DSP: variants seen among roughly 807,000 people sequenced by gnomAD.
DSP encodes the protein desmoplakin, also known as 250/210 kDa paraneoplastic pemphigus antigen.
In DSP, 114 loss-of-function variants were observed where a neutral mutation model predicts 290.6. The observed-to-expected ratio is 0.39, with a 90% CI of 0.34 to 0.46. The LOEUF (loss-of-function observed/expected upper bound fraction) is 0.46, where lower values mean the gene tolerates loss of function less well. Among genes scored for constraint, DSP ranks in the 20% least tolerant of loss-of-function variants. DSP has a pLI of 0.99. For missense variants in DSP, 3,230 were observed against 3,495.8 expected, an observed-to-expected ratio of 0.92 and a Z score of 1.92; for synonymous variants, 1,311 against 1,316.4, an observed-to-expected ratio of 1.00 and a Z score of 0.09.
At chr6:7,567,284 C>G in intron 8 of DSP, 70 bp from the exon 9 acceptor site, 1 of 1,214,822 alleles carries the variant, frequency 8.2e-7, no homozygotes. Context: ...TGCAGGCTCA[C>G]CTATCTCTTG....
rs780512433 is a variant in DSP at position 7,571,884 on chromosome 6, T to C, written c.1946T>C (p.Val649Ala). The change falls in exon 15 of 24, where the codon GTC becomes GCC. Residue 649 changes from valine (V) to alanine (A), a missense_variant. By Grantham distance (64) the Val-to-Ala change is moderately conservative. Transcript: ENST00000379802. ...ACTCATCATGGAACCTGCCAAGATG[T>C]CAACCATAATAAAGTAATTGAAACC... ...EITHHGTCQD[V>A]NHNKVIETNR... 6.2e-7 allele frequency: 1 copy of C among 1,613,900 alleles called. No homozygotes were observed. The highest frequency in any genetic ancestry group is 2.2e-5 in the East Asian group (1 of 44,882).
chr6:7,582,951 A>G lies in DSP; in HGVS notation c.5689A>G (p.Ser1897Gly), dbSNP rs1420813331. The G allele has an allele frequency of 6.2e-7, 1 of 1,614,122 alleles. No homozygotes were observed. The highest frequency in any genetic ancestry group is 8.5e-7 in the Non-Finnish European group (1 of 1,180,016). Residue 1897 changes from serine to glycine, a missense_variant, in exon 24 of 24, where the codon AGT becomes GGT. Physicochemically the swap from Ser to Gly is moderately conservative, Grantham distance 56. Around this residue, in one of 5 missense-constraint regions of DSP, gnomAD observed 1,714 missense variants for 1,844.5 expected, o/e 0.93. Transcript: ENST00000379802. The surrounding 1 kb of genome is among the most constrained non-coding windows in gnomAD (Gnocchi z 4.2). ...KSEREKNSLR[S>G]EIERLQAEIK... ...TGAGAGAGAGAAGAACAGTCTTAGGAGTGAGATCGAAAGACTCCAAGCAGA... is the reference window on the plus strand; with the variant it reads ...TGAGAGAGAGAAGAACAGTCTTAGGGGTGAGATCGAAAGACTCCAAGCAGA...
rs1240049346 is a variant in DSP at position 7,571,460 on chromosome 6, T to C, written c.1779T>C (p.Asn593=). ...LELHYQEFIR[N]SQGSEMFGDD... ...TACATTACCAAGAGTTCATCAGAAA[T>C]AGCCAAGGCTCAGAGATGTTTGGAG... The change falls in exon 14 of 24, where the codon AAT becomes AAC. Residue 593 remains asparagine, a synonymous_variant. Coordinates refer to ENST00000379802, the MANE Select transcript of DSP (RefSeq NM_004415.4). 6.2e-7 allele frequency: 1 copy of C among 1,614,042 alleles called. No individual in the cohort carries two copies. The highest frequency in any genetic ancestry group is 8.5e-7 in the Non-Finnish European group (1 of 1,180,046).
rs1425265923 is a variant in DSP, at chr6:7,583,908, C to A, written c.6646C>A (p.Pro2216Thr). 3 of 1,614,004 alleles carry A rather than the reference C, an allele frequency of 1.9e-6. No homozygotes were observed. The highest frequency in any genetic ancestry group is 1.1e-5 in the South Asian group (1 of 91,088). Residue 2216 changes from proline to threonine, a missense_variant, in exon 24 of 24, where the codon CCT (proline) becomes ACT (threonine). Transcript: ENST00000379802. This position sits in a 1 kb window ranked among gnomAD's most constrained non-coding sequence, Gnocchi z 4.0. ...CATGTCCTTCCAAGGAATCAGACAA[C>A]CTGTGACCGTCACTGAGCTAGTAGA... ...RSMSFQGIRQPVTVTELVDSG... is the reference protein window; with the variant it reads ...RSMSFQGIRQTVTVTELVDSG...
rs1757975849 is a variant in DSP at position 7,541,699 on chromosome 6, A to C, written c.-217A>C. 6.8e-6 allele frequency: 4 copies of C among 588,772 alleles called. No individual in the cohort carries two copies. The highest frequency in any genetic ancestry group is 1.2e-5 in the Non-Finnish European group (4 of 346,012). The allele number at this position is 588,772 out of a possible 1,614,324, so 36.5% of individuals were successfully genotyped here. ...CTGCGCCCTTGCCGCCCTCCGAGCC[A>C]CAGCTTTCCTCCCGCTCCTGCCCCC... On this transcript the variant is annotated 5_prime_UTR_variant, in exon 1 of 24. Transcript: ENST00000379802.
rs1473719755 is a variant in DSP, at chr6:7,580,028, T to C, written c.3838T>C (p.Cys1280Arg). Reference sequence around the variant, plus strand: ...AGAAAACGCCCTTCAGCAAAAGGCCTGTGGCTCTGAGATAATGCAGAAGAA... The same window carrying C: ...AGAAAACGCCCTTCAGCAAAAGGCCCGTGGCTCTGAGATAATGCAGAAGAA... ...AEENALQQKA[C>R]GSEIMQKKQH... Residue 1280 changes from cysteine (C) to arginine (R), a missense_variant, in exon 23 of 24, where the codon TGT becomes CGT. By Grantham distance (180) the Cys-to-Arg change is radical (BLOSUM62 -3). This residue lies in a region of DSP where 1,714 missense variants were observed against 1,844.5 expected (regional missense o/e 0.93). Coordinates refer to ENST00000379802, the MANE Select transcript of DSP (RefSeq NM_004415.4). The surrounding 1 kb of genome is among the most constrained non-coding windows in gnomAD (Gnocchi z 4.2). 1.9e-6 allele frequency: 3 copies of C among 1,613,788 alleles called. No homozygotes were observed. The highest frequency in any genetic ancestry group is 2.7e-5 in the African/African-American group (2 of 74,822).
In DSP at chr6:7,580,981, G is replaced by A. The variant is rs760645983; in HGVS notation, c.4791G>A (p.Glu1597=). 1.9e-6 allele frequency: 3 copies of A among 1,614,108 alleles called. No homozygotes were observed. Among genetic ancestry groups the A allele is most frequent in the Non-Finnish European group, 1.7e-6 (2 of 1,180,016 alleles). ...GCAAGAGGAAGAAGCTGGAGGAAGAGCTGGAAGGCATGAGGAGGTCGCTGA... is the reference window on the plus strand; with the variant it reads ...GCAAGAGGAAGAAGCTGGAGGAAGAACTGGAAGGCATGAGGAGGTCGCTGA... ...DSCKRKKLEE[E]LEGMRRSLKE... The change falls in exon 23 of 24, where the codon GAG becomes GAA. Residue 1597 remains glutamate, a synonymous_variant. Coordinates refer to ENST00000379802, the MANE Select transcript of DSP (RefSeq NM_004415.4). The surrounding 1 kb of genome is among the most constrained non-coding windows in gnomAD (Gnocchi z 4.2).
At chr6:7,576,143 A>C in intron 18 of DSP, 151 bp from the exon 19 acceptor site, 1 of 867,122 alleles carries the variant, frequency 1.2e-6, no homozygotes. Context: ...CTGTGATAAA[A>C]AGTGCTGCTA....
At chr6:7,571,261 T>A (rs1436499785) in intron 13 of DSP, 122 bp from the exon 14 acceptor site, 1 of 912,776 alleles carries the variant, frequency 1.1e-6, no homozygotes, top group African/African-American at 1.6e-5. Context: ...TATATCTTAA[T>A]GAGCCTGTGA....
At chr6:7,545,741 G>A (rs919572051) in intron 1 of DSP, among the ~76,000 whole-genome samples, 5 of 152,216 alleles carry the variant, frequency 3.3e-5, no homozygotes, top group Admixed American at 1.3e-4. Flanking sequence ...AACATCTGTC[G>A]TGGGGGCACT....
chr6:7,554,575 T>C (rs1414087045), intron 1 of DSP, among the ~76,000 whole-genome samples: 1 of 152,142 alleles, frequency 6.6e-6, no homozygotes, highest in Non-Finnish European at 1.5e-5. Flanking sequence ...GTATTTAAAT[T>C]TTCCATCACT....
Position 7,575,343 on chromosome 6 carries a change from A to G in DSP, c.2485A>G (p.Lys829Glu), listed in dbSNP as rs1212352137. The G allele has an allele frequency of 6.2e-7, 1 of 1,614,058 alleles. No homozygotes were observed. The highest frequency in any genetic ancestry group is 2.2e-5 in the East Asian group (1 of 44,866). Residue 829 changes from lysine (K) to glutamate (E), a missense_variant, in exon 18 of 24, where the codon AAG becomes GAG. Coordinates refer to ENST00000379802, the MANE Select transcript of DSP (RefSeq NM_004415.4). Reference protein sequence around the residue: ...NLKKSLLATMKTELQKAQQIH... With the variant: ...NLKKSLLATMETELQKAQQIH... The stretch of plus-strand genomic sequence containing the variant: ...GAAGAAGTCGTTGTTGGCCACTATG[A>G]AGACAGAACTACAGAAAGCCCAGCA...
rs397516965 is a variant in DSP at position 7,585,627 on chromosome 6, A to G, written c.8365A>G (p.Ile2789Val). The change falls in exon 24 of 24, where the codon ATA becomes GTA. Residue 2789 changes from isoleucine to valine, a missense_variant. Ile to Val is a conservative substitution (Grantham distance 29, BLOSUM62 3). Transcript: ENST00000379802. ...ATTAAAAATATCCTATAAGGATGCC[A>G]TAAATCGCTCCATGGTAGAAGATAT... ...TKLKISYKDA[I>V]NRSMVEDITG... 1.9e-6 allele frequency: 3 copies of G among 1,614,264 alleles called. No individual in the cohort carries two copies. The highest frequency in any genetic ancestry group is 1.6e-4 in the Middle Eastern group (1 of 6,062).
chr6:7,541,862 G>T lies in DSP; in HGVS notation c.-54G>T. On this transcript the variant is annotated 5_prime_UTR_variant, in exon 1 of 24. Transcript: ENST00000379802. Reference sequence around the variant, plus strand: ...TGGCCCCCTCCGCTTTCTCCGCGCCGGCCCGCCTCGCTTATGCCTCGGCGC... The same window carrying T: ...TGGCCCCCTCCGCTTTCTCCGCGCCTGCCCGCCTCGCTTATGCCTCGGCGC... 1 of 1,560,594 alleles carries T rather than the reference G, an allele frequency of 6.4e-7. No homozygotes were observed. Among genetic ancestry groups the T allele is most frequent in the South Asian group, 1.2e-5 (1 of 84,700 alleles).
In DSP at chr6:7,570,190, G is replaced by A. The variant is rs116388997; in HGVS notation, c.1575-247G>A. 1.7e-3 allele frequency among the ~76,000 whole-genome samples: 265 copies of A among 152,202 alleles called. 2 individuals are homozygous for A. Among genetic ancestry groups the A allele is most frequent in the African/African-American group, 5.9e-3 (246 of 41,530 alleles). On this transcript the variant is annotated intron_variant, in intron 12 of 23. Coordinates refer to ENST00000379802, the MANE Select transcript of DSP (RefSeq NM_004415.4). Reference sequence around the variant, plus strand: ...GACCTCTGTCAATTACAAAGTTGCCGAAAAACAAGACAACAACAAAAAGTT... The same window carrying A: ...GACCTCTGTCAATTACAAAGTTGCCAAAAAACAAGACAACAACAAAAAGTT...
At chr6:7,567,948 A>G in intron 10 of DSP, 42 bp downstream of exon 10, 4 of 1,609,174 alleles carry the variant, frequency 2.5e-6, no homozygotes, top group Non-Finnish European at 8.5e-7. Context: ...GTGCCTGATC[A>G]GGGAGATAAA....
chr6:7,586,407 A>ATAC lies in DSP; in HGVS notation c.*531_*533dup, dbSNP rs1759678176. The stretch of plus-strand genomic sequence containing the variant: ...TCAGAGTGTGGATTGTATAACCCAT[A>ATAC]TACTCTTCGATGTACTTGTTTGGTT... On this transcript the variant is annotated 3_prime_UTR_variant, in exon 24 of 24. Coordinates refer to ENST00000379802, the MANE Select transcript of DSP (RefSeq NM_004415.4). 1 of 154,614 alleles carries ATAC rather than the reference A, an allele frequency of 6.5e-6. No homozygotes were observed. The highest frequency in any genetic ancestry group is 2.0e-4 in the South Asian group (1 of 5,056). 9.6% of individuals were successfully genotyped at this position (154,614 alleles called of 1,614,324 possible).
In DSP at chr6:7,559,245, C is replaced by G; in HGVS notation, c.442C>G (p.Gln148Glu). ...YQKRLLQLQE[Q>E]MRALYKAISV... Reference sequence around the variant, plus strand: ...TTGCAGGCTTCTTCAGCTCCAAGAGCAAATGCGAGCCCTTTATAAAGCCAT... The same window carrying G: ...TTGCAGGCTTCTTCAGCTCCAAGAGGAAATGCGAGCCCTTTATAAAGCCAT... The change falls in exon 4 of 24, where the codon CAA becomes GAA. Residue 148 changes from glutamine to glutamate, a missense_variant. Gln to Glu is a conservative substitution (Grantham distance 29, BLOSUM62 2). This residue lies in a region of DSP where 646 missense variants were observed against 684.3 expected (regional missense o/e 0.94). Transcript: ENST00000379802. 2 of 1,613,976 alleles carry G rather than the reference C, an allele frequency of 1.2e-6. No individual in the cohort carries two copies. Among genetic ancestry groups the G allele is most frequent in the South Asian group, 2.2e-5 (2 of 91,070 alleles).
chr6:7,585,948 AAAG>A lies in DSP; in HGVS notation c.*73_*75del, dbSNP rs1468224548. On this transcript the variant is annotated 3_prime_UTR_variant, in exon 24 of 24. Transcript: ENST00000379802. ...AATTTCCACTTTATTAAATAATAGA[AAAG>A]AAAATCCCGGTGCTTGCAGTAGAGT... 4 of 1,492,280 alleles carry A rather than the reference AAAG, an allele frequency of 2.7e-6. No individual in the cohort carries two copies. In the Admixed American group the frequency reaches 5.1e-5, roughly 19 times the overall value. 92.4% of individuals were successfully genotyped at this position (1,492,280 alleles called of 1,614,324 possible).
Sources: gnomAD v4.1 joint callset for allele counts (sites outside exome capture counted in the v4.1 genomes callset) on GRCh38, gnomAD v4.1.1 for gene constraint, gnomAD v4.1.1 regional missense constraint, Gnocchi (gnomAD v3.1) non-coding constraint, MANE v1.5 for transcripts, NCBI Gene and HGNC (gene_info 2026-07-23, HGNC 2026-07-21) for gene names.